Variants in TMEM150C observed in about 807,000 individuals in gnomAD.
TMEM150C encodes the protein tentonin 3.
TMEM150C carries 10 observed loss-of-function variants against 29.9 expected under a neutral mutation model. That is an observed-to-expected ratio of 0.33 (90% CI 0.21 to 0.57). The LOEUF (loss-of-function observed/expected upper bound fraction) is 0.57, where lower values mean the gene tolerates loss of function less well. Among genes scored for constraint, TMEM150C ranks in the 20% least tolerant of loss-of-function variants. The probability of loss-of-function intolerance (pLI) is 0.88; values close to 1 mark genes in which losing one functional copy is unlikely to be tolerated. For missense variants in TMEM150C, 251 were observed against 303.6 expected (o/e 0.83, Z 1.29); for synonymous variants, 101 against 112.5 (o/e 0.90, Z 0.64).
rs1012098457 is a variant in TMEM150C at position 82,512,932 on chromosome 4, G to A, written c.-10-8265C>T. 3.3e-5 allele frequency among the ~76,000 whole-genome samples: 5 copies of A among 152,356 alleles called. No individual in the cohort carries two copies. In the East Asian group the frequency reaches 7.7e-4, roughly 24 times the overall value. On this transcript the variant is annotated intron_variant, in intron 1 of 7. Transcript: ENST00000449862. ...GGGCATCTCTGAAAGAAAGGCAGCA[G>A]CCCCAGTCAGGGGCTTATGGATAAA...
chr4:82,503,864 A>C (rs561793845), intron 2 of TMEM150C, among the ~76,000 whole-genome samples: 2 of 152,008 alleles, frequency 1.3e-5, no homozygotes, highest in South Asian at 4.2e-4. Flanking sequence ...AAAAACAAAA[A>C]CAAAAAACAA....
chr4:82,496,064 G>A lies in TMEM150C; in HGVS notation c.363+4C>T, dbSNP rs1723546959. On this transcript the variant is annotated splice_donor_region_variant and intron_variant, in intron 6 of 7. Coordinates refer to ENST00000449862, the MANE Select transcript of TMEM150C (RefSeq NM_001080506.3). The stretch of plus-strand genomic sequence containing the variant: ...AGGGAGGTGAAAAAGGCCAAATCAA[G>A]TACCTGAAAATTACCAAGTAAGGTC... 1 of 1,613,792 alleles carries A rather than the reference G, an allele frequency of 6.2e-7. No homozygotes were observed. Among genetic ancestry groups the A allele is most frequent in the Non-Finnish European group, 8.5e-7 (1 of 1,179,858 alleles).
At chr4:82,556,664 T>C (rs1725746169) in intron 1 of TMEM150C, among the ~76,000 whole-genome samples, 1 of 151,822 alleles carries the variant, frequency 6.6e-6, no homozygotes. Flanking sequence ...CTGTCTCTAT[T>C]AAAAGAGAAA....
intron 1 of TMEM150C, among the ~76,000 whole-genome samples, chr4:82,532,544 G>T (rs1724879358): frequency 6.6e-6 from 1 of 152,098 alleles, no homozygotes; most frequent in Admixed American, 6.6e-5. Context: ...TCTTAAGAAA[G>T]ATATGCAAAG....
In TMEM150C at chr4:82,504,914, C is replaced by G. The variant is rs1723863889; in HGVS notation, c.-10-247G>C. ...GCGTGGTGGCGGGCGCCTGTAGTCC[C>G]AGCTACTTGGGAGGCTGAGGCAGGA... On this transcript the variant is annotated intron_variant, in intron 1 of 7. Transcript: ENST00000449862. Among the ~76,000 whole-genome samples the G allele has an allele frequency of 2.0e-5, 3 of 152,112 alleles. No individual in the cohort carries two copies. The East Asian group carries it at 5.8e-4, about 29-fold the overall frequency.
At chr4:82,525,831 G>C (rs548202810) in intron 1 of TMEM150C, among the ~76,000 whole-genome samples, 40 of 151,986 alleles carry the variant, frequency 2.6e-4, no homozygotes, top group African/African-American at 9.2e-4. Context: ...CCCAAGGCCT[G>C]ATAAAAGCAG....
chr4:82,525,201 C>T (rs1033760264), intron 1 of TMEM150C, among the ~76,000 whole-genome samples: 2 of 152,296 alleles, frequency 1.3e-5, no homozygotes, highest in Non-Finnish European at 1.5e-5. Context: ...TTAAAATGTA[C>T]TCTGCTAGTG....
chr4:82,502,262 A>G (rs529945269), intron 5 of TMEM150C, among the ~76,000 whole-genome samples: 18 of 152,350 alleles, frequency 1.2e-4, no homozygotes, highest in African/African-American at 4.3e-4. Context: ...CTATAGGCAC[A>G]GGAGAGAGTG....
At chr4:82,557,829 G>C (rs562288587) in intron 1 of TMEM150C, among the ~76,000 whole-genome samples, 1 of 149,348 alleles carries the variant, frequency 6.7e-6, no homozygotes, top group Non-Finnish European at 1.5e-5. Context: ...TGCCTCTCCC[G>C]GGACCAAGCG....
At chr4:82,497,761 G>A (rs1033524846) in intron 5 of TMEM150C, among the ~76,000 whole-genome samples, 2 of 152,166 alleles carry the variant, frequency 1.3e-5, no homozygotes, top group Non-Finnish European at 2.9e-5. Flanking sequence ...TATATCCGAA[G>A]TCTTTAACAA....
chr4:82,507,988 T>C (rs1057499249), intron 1 of TMEM150C, among the ~76,000 whole-genome samples: 1 of 152,008 alleles, frequency 6.6e-6, no homozygotes, highest in Admixed American at 6.6e-5. Context: ...GCTCAAATGA[T>C]CCACCCACGT....
Position 82,490,101 on chromosome 4 carries a change from C to G in TMEM150C, c.501G>C (p.Arg167=). ...KNEGRRVGIP[R]VILSASITLC... ...GAGTGATAGATGCCGACAGAATAACCCGTGGAATTCCAACTCTCCGTCCTT... is the reference window on the plus strand; with the variant it reads ...GAGTGATAGATGCCGACAGAATAACGCGTGGAATTCCAACTCTCCGTCCTT... Residue 167 remains arginine, a synonymous_variant, in exon 7 of 8, where the codon CGG becomes CGC. Transcript: ENST00000449862. 2 of 1,613,974 alleles carry G rather than the reference C, an allele frequency of 1.2e-6. No individual in the cohort carries two copies. The highest frequency in any genetic ancestry group is 2.2e-5 in the South Asian group (2 of 91,080).
intron 7 of TMEM150C, among the ~76,000 whole-genome samples, chr4:82,489,384 G>A (rs2110061867): frequency 6.6e-6 from 1 of 152,170 alleles, no homozygotes; most frequent in Middle Eastern, 3.4e-3. Context: ...GGGTGGTTAA[G>A]TTGAATTCCA....
chr4:82,527,019 C>CTTTTTTTT (rs893109064), intron 1 of TMEM150C, among the ~76,000 whole-genome samples: 1 of 74,690 alleles, frequency 1.3e-5, no homozygotes, highest in Non-Finnish European at 2.4e-5. Flanking sequence ...CATACTGGGT[C>CTTTTTTTT]TTTTTTTTTT....
intron 1 of TMEM150C, among the ~76,000 whole-genome samples, chr4:82,543,253 C>T (rs1331125565): frequency 6.6e-6 from 1 of 152,192 alleles, no homozygotes; most frequent in Non-Finnish European, 1.5e-5. Context: ...AGAGTTCTTA[C>T]TTGCAAGGAT....
chr4:82,506,760 G>T (rs967514925), intron 1 of TMEM150C, among the ~76,000 whole-genome samples: 16 of 152,160 alleles, frequency 1.1e-4, no homozygotes, highest in African/African-American at 3.1e-4. Context: ...TGTCCAAAAA[G>T]TTGTGGGCTC....
At chr4:82,491,197 C>T in intron 6 of TMEM150C, 1 of 696,256 alleles carries the variant, frequency 1.4e-6, no homozygotes, top group Non-Finnish European at 2.6e-6. Context: ...AAGGTGGTGA[C>T]AGTGTTAACT....
intron 1 of TMEM150C, among the ~76,000 whole-genome samples, chr4:82,536,410 A>C (rs1195992320): frequency 6.6e-6 from 1 of 152,012 alleles, no homozygotes; most frequent in Non-Finnish European, 1.5e-5. Context: ...GGGAACATCA[A>C]TTTTTAAACG....
intron 1 of TMEM150C, among the ~76,000 whole-genome samples, chr4:82,533,229 T>C (rs2110083926): frequency 6.6e-6 from 1 of 152,338 alleles, no homozygotes; most frequent in Non-Finnish European, 1.5e-5. Context: ...TACCATAAAG[T>C]AACGCATTCA....
Sources: gnomAD v4.1 joint callset for allele counts (sites outside exome capture counted in the v4.1 genomes callset) on GRCh38, gnomAD v4.1.1 for gene constraint, MANE v1.5 for transcripts, NCBI Gene and HGNC (gene_info 2026-07-23, HGNC 2026-07-21) for gene names.